MALRD1: variants seen among roughly 807,000 people sequenced by gnomAD.
The protein encoded by MALRD1 is MAM and LDL receptor class A domain containing 1.
MALRD1 carries 247 observed loss-of-function variants against 242.1 expected under a neutral mutation model. The ratio of observed to expected loss-of-function variants is 1.02; its 90% CI spans 0.92 to 1.13. The LOEUF is 1.13. Among genes scored for constraint, MALRD1 ranks in the 50% most tolerant of loss-of-function variants. The probability of loss-of-function intolerance (pLI) is 0.00; values close to 1 mark genes in which losing one functional copy is unlikely to be tolerated. For synonymous variants in MALRD1, 995 were observed against 866.6 expected (o/e 1.15, Z -2.60); for missense variants, 2,989 against 2,533.1 (o/e 1.18, Z -3.86).
At chr10:19,560,375 G>T (rs1412962607) in intron 32 of MALRD1, among the ~76,000 whole-genome samples, 2 of 152,164 alleles carry the variant, frequency 1.3e-5, no homozygotes, top group Non-Finnish European at 2.9e-5. Context: ...GGCTGAGGCA[G>T]GAGAATCACT....
chr10:19,180,660 G>A (rs561753823), intron 14 of MALRD1, among the ~76,000 whole-genome samples: 18 of 152,250 alleles, frequency 1.2e-4, no homozygotes, highest in African/African-American at 4.3e-4. Context: ...ATTAGAGTTG[G>A]CAATGATTTT....
intron 13 of MALRD1, among the ~76,000 whole-genome samples, chr10:19,171,541 T>C (rs979685588): frequency 1.4e-5 from 2 of 143,406 alleles, no homozygotes; most frequent in African/African-American, 5.1e-5. Context: ...CACACATATA[T>C]ATGTCTATGT....
chr10:19,288,110 T>A (rs1298960465), intron 21 of MALRD1, among the ~76,000 whole-genome samples: 2 of 152,024 alleles, frequency 1.3e-5, no homozygotes, highest in Admixed American at 1.3e-4. Context: ...GGAGTCTCAC[T>A]CTGCCACACA....
At position 19,607,900 on chromosome 10, in the gene MALRD1, C is replaced by T; in HGVS notation, c.6068C>T (p.Ser2023Phe). ...MDFQLDESSC[S>F]ECPLNYCRNG... ...TTCCAGCTTGATGAGTCCAGCTGCT[C>T]CGGTACCCCATTTCCATTCAGATAT... The change falls in exon 35 of 40, where the codon TCC (serine) becomes TTC (phenylalanine). Residue 2023 changes from serine to phenylalanine, a missense_variant and splice_region_variant. Transcript: ENST00000454679. The T allele has an allele frequency of 6.5e-7, 1 of 1,549,544 alleles. No individual in the cohort carries two copies. The highest frequency in any genetic ancestry group is 2.4e-5 in the East Asian group (1 of 40,862).
chr10:19,548,076 C>T (rs1451250095), intron 32 of MALRD1, among the ~76,000 whole-genome samples: 1 of 141,190 alleles, frequency 7.1e-6, no homozygotes, highest in Admixed American at 7.4e-5. Flanking sequence ...TCTCAGATCA[C>T]TGCAACCTCC....
chr10:19,294,862 C>T (rs1841615223), intron 21 of MALRD1, among the ~76,000 whole-genome samples: 1 of 152,044 alleles, frequency 6.6e-6, no homozygotes, highest in Non-Finnish European at 1.5e-5. Flanking sequence ...AAAGACAATA[C>T]ATTAACCATA....
intron 28 of MALRD1, among the ~76,000 whole-genome samples, chr10:19,406,078 T>C (rs985243763): frequency 6.6e-6 from 1 of 152,210 alleles, no homozygotes; most frequent in African/African-American, 2.4e-5. Context: ...TAAGCCACTT[T>C]CTTTACATAT....
In MALRD1 at chr10:19,579,475, T is replaced by C. The variant is rs185722111; in HGVS notation, c.5680+11772T>C. On this transcript the variant is annotated intron_variant, in intron 33 of 39. Transcript: ENST00000454679. The stretch of plus-strand genomic sequence containing the variant: ...TTCTAACTTACCATTCTCAGCCTTT[T>C]ATACTAAGAGAAAGATCTGATTATG... Among the ~76,000 whole-genome samples the C allele has an allele frequency of 3.0e-4, 45 of 152,302 alleles. No homozygotes were observed. In the South Asian group the frequency reaches 7.0e-3, roughly 24 times the overall value.
At chr10:19,491,350 T>G in intron 29 of MALRD1, 167 bp from the exon 30 acceptor site, 1 of 811,108 alleles carries the variant, frequency 1.2e-6, no homozygotes, top group Non-Finnish European at 1.9e-6. Flanking sequence ...TGCTGAACCA[T>G]TGAAGGTGGG....
intron 18 of MALRD1, among the ~76,000 whole-genome samples, chr10:19,241,110 T>C (rs1164672722): frequency 2.0e-5 from 3 of 152,150 alleles, no homozygotes; most frequent in Non-Finnish European, 4.4e-5. Flanking sequence ...TCCTCATTAC[T>C]TTTGTGGAAA....
intron 32 of MALRD1, among the ~76,000 whole-genome samples, chr10:19,548,759 C>T (rs1459367614): frequency 1.3e-5 from 2 of 152,186 alleles, no homozygotes; most frequent in African/African-American, 2.4e-5. Context: ...TTTCCTGAGA[C>T]AAGACCACAT....
At chr10:19,504,211 T>A (rs777213415) in intron 31 of MALRD1, among the ~76,000 whole-genome samples, 12 of 152,170 alleles carry the variant, frequency 7.9e-5, no homozygotes, top group Admixed American at 1.3e-4. Context: ...ACACAGATAT[T>A]ATGGTTTTTC....
At chr10:19,494,693 T>A (rs1837636988) in intron 30 of MALRD1, among the ~76,000 whole-genome samples, 1 of 152,052 alleles carries the variant, frequency 6.6e-6, no homozygotes, top group South Asian at 2.1e-4. Context: ...GCTTGAAGAC[T>A]GGATTACTGA....
At chr10:19,106,708 C>T (rs914923105) in intron 5 of MALRD1, among the ~76,000 whole-genome samples, 1 of 151,658 alleles carries the variant, frequency 6.6e-6, no homozygotes, top group African/African-American at 2.4e-5. Flanking sequence ...TTTTCTAATT[C>T]CTTGAAGTAC....
intron 17 of MALRD1, 132 bp from the exon 18 acceptor site, chr10:19,209,136 T>C (rs528129743): frequency 1.3e-6 from 1 of 782,844 alleles, no homozygotes; most frequent in South Asian, 3.4e-5. Context: ...GTGTTGGATT[T>C]TAAAAATAAA....
intron 1 of MALRD1, among the ~76,000 whole-genome samples, chr10:19,061,955 C>T (rs754122049): frequency 4.6e-5 from 7 of 151,920 alleles, no homozygotes; most frequent in Non-Finnish European, 8.8e-5. Flanking sequence ...TTCTATTCAT[C>T]AAAGGACAGT....
chr10:19,402,260 G>A (rs771154321), intron 28 of MALRD1, among the ~76,000 whole-genome samples: 3 of 152,098 alleles, frequency 2.0e-5, no homozygotes, highest in Non-Finnish European at 2.9e-5. Context: ...GACCATCATG[G>A]GCAACGTAGC....
intron 4 of MALRD1, among the ~76,000 whole-genome samples, chr10:19,096,888 C>T (rs568127235): frequency 1.3e-5 from 2 of 152,176 alleles, no homozygotes; most frequent in East Asian, 1.9e-4. Context: ...AGCTGACTCT[C>T]ACCTGGGGGC....
At chr10:19,233,039 T>G (rs1372441710) in intron 18 of MALRD1, among the ~76,000 whole-genome samples, 2 of 152,226 alleles carry the variant, frequency 1.3e-5, no homozygotes. Flanking sequence ...AAACAATTTT[T>G]TTTAGTTTTA....
Sources: allele counts gnomAD v4.1 joint callset (sites outside exome capture counted in the v4.1 genomes callset), GRCh38; gene constraint gnomAD v4.1.1; transcripts MANE v1.5; gene names NCBI Gene and HGNC (gene_info 2026-07-23, HGNC 2026-07-21).